The following HDAC9 variants were observed in gnomAD, a reference collection of about 807,000 sequenced individuals.
HDAC9 encodes the protein histone deacetylase 9.
A neutral mutation model predicts 139.4 loss-of-function variants in HDAC9; 41 were observed. The observed-to-expected ratio is 0.29, with a 90% CI of 0.23 to 0.38. HDAC9 has a LOEUF of 0.38. Among genes scored for constraint, HDAC9 ranks in the 10% least tolerant of loss-of-function variants. The pLI is 1.00. For synonymous variants in HDAC9, 517 were observed against 476.2 expected (o/e 1.09, Z -1.12); for missense variants, 1,147 against 1,297.0 (o/e 0.88, Z 1.78).
intron 22 of HDAC9, among the ~76,000 whole-genome samples, chr7:18,903,054 A>G (rs80138529): frequency 0.046 from 6,945 of 152,300 alleles, 394 homozygotes; most frequent in East Asian, 0.22. Flanking sequence ...ATATTCAGCA[A>G]TTTTCTTGCA....
chr7:18,984,915 G>C (rs1785210089), intron 25 of HDAC9, among the ~76,000 whole-genome samples: 1 of 152,094 alleles, frequency 6.6e-6, no homozygotes. Flanking sequence ...GTGTGTGTGT[G>C]TATACATATG....
intron 25 of HDAC9, 92 bp from the exon 26 acceptor site, chr7:18,995,931 G>T: frequency 1.1e-6 from 1 of 871,238 alleles, no homozygotes. Flanking sequence ...ACATCAGAGA[G>T]AGCTGAAAAA....
chr7:18,784,615 G>A (rs1791539118), intron 16 of HDAC9, among the ~76,000 whole-genome samples: 1 of 147,566 alleles, frequency 6.8e-6, no homozygotes, highest in African/African-American at 2.5e-5. Context: ...TTATGTTCTT[G>A]CAAAATCCTG....
At chr7:18,543,426 A>C in intron 2 of HDAC9, 1 of 152,336 alleles carries the variant, frequency 6.6e-6, no homozygotes, top group East Asian at 1.9e-4. Flanking sequence ...CATTTCCTCT[A>C]CTTGGAGTGC....
In HDAC9 at chr7:18,336,699, T is replaced by TA. The variant is rs376251749; in HGVS notation, c.-42+46186dup. Among the ~76,000 whole-genome samples, 13 of 151,770 alleles carry TA rather than the reference T, an allele frequency of 8.6e-5. No individual in the cohort carries two copies. In the East Asian group the frequency reaches 2.5e-3, roughly 30 times the overall value. The stretch of plus-strand genomic sequence containing the variant: ...TTCATTATGCTAATTTCATGTTTTA[T>TA]AAGATGACAAGCTATTGTCATGATT... On this transcript the variant is annotated intron_variant, in intron 1 of 3. Coordinates refer to the HDAC9 transcript ENST00000413509.
intron 2 of HDAC9, among the ~76,000 whole-genome samples, chr7:18,512,102 T>C (rs751247877): frequency 2.0e-5 from 3 of 151,960 alleles, no homozygotes; most frequent in Non-Finnish European, 2.9e-5. Context: ...GAAACTCTTA[T>C]TAAACTAAAA....
chr7:18,974,350 T>C (rs758889591), intron 24 of HDAC9, among the ~76,000 whole-genome samples: 2 of 152,220 alleles, frequency 1.3e-5, no homozygotes, highest in Non-Finnish European at 2.9e-5. Flanking sequence ...TCATCTTAAA[T>C]ACGTGTTCTA....
intron 1 of HDAC9, among the ~76,000 whole-genome samples, chr7:18,139,977 G>A (rs1179603689): frequency 6.6e-6 from 1 of 152,164 alleles, no homozygotes; most frequent in Non-Finnish European, 1.5e-5. Context: ...AACTGTGAGA[G>A]CATACATTCT....
At chr7:18,669,175 G>A (rs1364076732) in intron 12 of HDAC9, among the ~76,000 whole-genome samples, 1 of 151,590 alleles carries the variant, frequency 6.6e-6, no homozygotes, top group African/African-American at 2.4e-5. Context: ...TATCTAAATA[G>A]ATGTCAGTTC....
chr7:18,851,954 G>A (rs1461359052), intron 21 of HDAC9, among the ~76,000 whole-genome samples: 3 of 152,212 alleles, frequency 2.0e-5, no homozygotes, highest in African/African-American at 7.2e-5. Flanking sequence ...CTTGCAGGCA[G>A]GTAGGTGCCT....
At position 18,792,267 on chromosome 7, in the gene HDAC9, TAAAA is replaced by T. The variant is rs79869842; in HGVS notation, c.2215-1065_2215-1062del. On this transcript the variant is annotated intron_variant, in intron 16 of 25. Transcript: ENST00000686413. The stretch of plus-strand genomic sequence containing the variant: ...CTTGCATTTAATTCTCTTTTTTTTT[TAAAA>T]AAAAAAAAAAAAGCTTTGTTTTATG... Among the ~76,000 whole-genome samples the T allele has an allele frequency of 5.2e-3, 742 of 141,346 alleles. 8 individuals carry two copies. The highest frequency in any genetic ancestry group is 0.019 in the African/African-American group (706 of 37,636). The allele number at this position is 141,346 out of a possible 152,430, so 92.7% of individuals were successfully genotyped here. A position where few individuals can be genotyped will look rare whatever the true frequency, so the allele number is the denominator to read the frequency against.
chr7:18,370,820 G>A (rs1223457244), intron 1 of HDAC9, among the ~76,000 whole-genome samples: 2 of 152,148 alleles, frequency 1.3e-5, no homozygotes, highest in Non-Finnish European at 2.9e-5. Flanking sequence ...CAGGTGAATT[G>A]CACTGATTGG....
chr7:18,631,048 C>G (rs1181162864), intron 7 of HDAC9, among the ~76,000 whole-genome samples: 1 of 151,958 alleles, frequency 6.6e-6, no homozygotes, highest in East Asian at 1.9e-4. Flanking sequence ...TTTCTGTGTT[C>G]CTGTAGTCTG....
chr7:18,921,114 T>TA (rs1481489307), intron 22 of HDAC9, among the ~76,000 whole-genome samples: 1 of 152,064 alleles, frequency 6.6e-6, no homozygotes, highest in African/African-American at 2.4e-5. Flanking sequence ...ATGTTAGACC[T>TA]AAAACCATAA....
chr7:18,854,053 A>G (rs1332711141), intron 21 of HDAC9, among the ~76,000 whole-genome samples: 2 of 152,202 alleles, frequency 1.3e-5, no homozygotes, highest in Admixed American at 6.5e-5. Context: ...AAATAAATAG[A>G]CATCTATTTT....
chr7:18,467,871 C>T (rs1794414521), intron 1 of HDAC9, among the ~76,000 whole-genome samples: 1 of 152,112 alleles, frequency 6.6e-6, no homozygotes, highest in Non-Finnish European at 1.5e-5. Context: ...TATATCCTTG[C>T]CTTCCTCTGG....
At chr7:18,561,393 G>T (rs112957926) in intron 2 of HDAC9, among the ~76,000 whole-genome samples, 7 of 152,234 alleles carry the variant, frequency 4.6e-5, no homozygotes, top group African/African-American at 1.2e-4. Context: ...CTTTTGTTAT[G>T]CCTAGAGCTC....
chr7:18,694,106 A>G (rs1782861509), intron 12 of HDAC9, among the ~76,000 whole-genome samples: 1 of 152,208 alleles, frequency 6.6e-6, no homozygotes, highest in Non-Finnish European at 1.5e-5. Context: ...AGCTTGTGAA[A>G]TAAAGACCAA....
At chr7:18,822,092 C>A (rs190011531) in intron 17 of HDAC9, among the ~76,000 whole-genome samples, 5 of 152,270 alleles carry the variant, frequency 3.3e-5, no homozygotes, top group Admixed American at 2.6e-4. Flanking sequence ...TGTGGAGGTT[C>A]CATCACATGG....
Sources: allele counts gnomAD v4.1 joint callset (sites outside exome capture counted in the v4.1 genomes callset), GRCh38; gene constraint gnomAD v4.1.1; transcripts MANE v1.5; gene names NCBI Gene and HGNC (gene_info 2026-07-23, HGNC 2026-07-21).